The following PLEKHA8 variants were observed in gnomAD, a reference collection of about 807,000 sequenced individuals.
PLEKHA8 encodes the protein pleckstrin homology domain containing A8, also known as pleckstrin homology domain-containing family A member 8.
A neutral mutation model predicts 68.2 loss-of-function variants in PLEKHA8; 36 were observed. The observed-to-expected ratio is 0.53, with a 90% CI of 0.40 to 0.70. PLEKHA8 has a LOEUF of 0.70. PLEKHA8 is among the 30% of genes least tolerant of loss of function. PLEKHA8 has a pLI of 0.00. For missense variants in PLEKHA8, 505 were observed against 615.4 expected (o/e 0.82, Z 1.90); for synonymous variants, 211 against 216.1 (o/e 0.98, Z 0.20).
chr7:30,051,949 G>A (rs1351167364), intron 6 of PLEKHA8, among the ~76,000 whole-genome samples: 2 of 152,082 alleles, frequency 1.3e-5, no homozygotes, highest in Non-Finnish European at 2.9e-5. Flanking sequence ...CTCCAGCCTG[G>A]GTGACAGAGC....
rs1379058501 is a variant in PLEKHA8 at position 30,056,304 on chromosome 7, C to CTA, written c.1039+963_1039+964insAT. On this transcript the variant is annotated intron_variant, in intron 9 of 13. Coordinates refer to ENST00000449726, the MANE Select transcript of PLEKHA8 (RefSeq NM_001197026.2). ...TCTCTCTCTCTCTCTCTCTCTCTCT[C>CTA]TCTCTCTCTATATATATATATATAT... 4.3e-5 allele frequency among the ~76,000 whole-genome samples: 4 copies of CTA among 93,896 alleles called. No homozygotes were observed. The South Asian group carries it at 1.3e-3, about 30-fold the overall frequency. 61.6% of individuals were successfully genotyped at this position (93,896 alleles called of 152,430 possible).
intron 1 of PLEKHA8, among the ~76,000 whole-genome samples, chr7:30,044,031 G>GTT (rs1791749157): frequency 6.9e-6 from 1 of 145,030 alleles, no homozygotes; most frequent in Non-Finnish European, 1.5e-5. Context: ...AGTCAGGGAT[G>GTT]ATTTTTTTTT....
chr7:30,106,038 CT>C (rs1409707225), intron 13 of PLEKHA8, among the ~76,000 whole-genome samples: 1 of 150,886 alleles, frequency 6.6e-6, no homozygotes, highest in African/African-American at 2.4e-5. Flanking sequence ...TTTTTTTCAC[CT>C]TTAAGTCTTT....
At chr7:30,124,849 T>G (rs1371455245) in intron 13 of PLEKHA8, among the ~76,000 whole-genome samples, 5 of 152,108 alleles carry the variant, frequency 3.3e-5, no homozygotes, top group African/African-American at 1.2e-4. Flanking sequence ...GCACCCATGA[T>G]CCTATCTTAA....
chr7:30,071,424 G>A (rs949785405), intron 12 of PLEKHA8, among the ~76,000 whole-genome samples: 1 of 152,050 alleles, frequency 6.6e-6, no homozygotes, highest in African/African-American at 2.4e-5. Flanking sequence ...CCAGCCTTCG[G>A]GATTCCTTCT....
chr7:30,104,618 C>T (rs888577253), intron 13 of PLEKHA8, among the ~76,000 whole-genome samples: 3 of 151,764 alleles, frequency 2.0e-5, no homozygotes. Flanking sequence ...ATATGAAATT[C>T]CAAAACAGGC....
At chr7:30,086,352 A>G (rs1169965596), downstream of PLEKHA8, among the ~76,000 whole-genome samples, 2 of 152,198 alleles carry the variant, frequency 1.3e-5, no homozygotes, top group Admixed American at 1.3e-4. Flanking sequence ...CTGTGTAAGG[A>G]CCAGCTATCT....
chr7:30,034,010 C>CTTTTTTTTTTTTTTTT (rs56796780), intron 1 of PLEKHA8, among the ~76,000 whole-genome samples: 1 of 34,632 alleles, frequency 2.9e-5, no homozygotes, highest in African/African-American at 1.3e-4. Flanking sequence ...TAAGAGGTTT[C>CTTTTTTTTTTTTTTTT]TTTTTTTTTT....
At chr7:30,093,026 A>C (rs1290043664), downstream of PLEKHA8, among the ~76,000 whole-genome samples, 1 of 152,176 alleles carries the variant, frequency 6.6e-6, no homozygotes, top group Non-Finnish European at 1.5e-5. Context: ...AATAAGTCCA[A>C]GATATGCCTT....
intron 7 of PLEKHA8, 27 bp downstream of exon 7, chr7:30,052,893 A>T: frequency 6.5e-7 from 1 of 1,540,300 alleles, no homozygotes; most frequent in Non-Finnish European, 8.7e-7. Context: ...AGTCTGAAAC[A>T]AACCAATTTT....
intron 12 of PLEKHA8, 137 bp downstream of exon 12, chr7:30,062,879 A>G: frequency 1.6e-6 from 1 of 622,486 alleles, no homozygotes; most frequent in African/African-American, 1.9e-5. Flanking sequence ...ATTATTATTC[A>G]TTGCTTCTTA....
intron 12 of PLEKHA8, among the ~76,000 whole-genome samples, chr7:30,063,692 A>G (rs934619848): frequency 2.1e-4 from 32 of 152,208 alleles, no homozygotes; most frequent in African/African-American, 6.8e-4. Flanking sequence ...CTGATCTGCC[A>G]TAAAAATGAG....
At chr7:30,036,262 ACT>A (rs1791066210) in intron 1 of PLEKHA8, among the ~76,000 whole-genome samples, 1 of 151,860 alleles carries the variant, frequency 6.6e-6, no homozygotes, top group African/African-American at 2.4e-5. Flanking sequence ...ACAGAACGAG[ACT>A]CTGTTGCAAA....
At chr7:30,067,065 C>T (rs886802719) in intron 12 of PLEKHA8, among the ~76,000 whole-genome samples, 1 of 152,232 alleles carries the variant, frequency 6.6e-6, no homozygotes, top group Non-Finnish European at 1.5e-5. Context: ...TTAGTCTTAA[C>T]AGTGCCTGAA....
At chr7:30,067,302 T>G (rs1303634917) in intron 12 of PLEKHA8, among the ~76,000 whole-genome samples, 1 of 152,170 alleles carries the variant, frequency 6.6e-6, no homozygotes, top group Non-Finnish European at 1.5e-5. Context: ...AAGCCCTGTC[T>G]CTTCAAAACA....
intron 1 of PLEKHA8, among the ~76,000 whole-genome samples, chr7:30,029,139 C>T (rs1273597972): frequency 1.3e-5 from 2 of 152,358 alleles, no homozygotes; most frequent in African/African-American, 2.4e-5. Context: ...CTGGGAATCT[C>T]TTGAATTTTG....
chr7:30,110,904 G>A (rs992553760), intron 13 of PLEKHA8, among the ~76,000 whole-genome samples: 81 of 150,300 alleles, frequency 5.4e-4, no homozygotes, highest in African/African-American at 1.8e-3. Flanking sequence ...TTCTTATTTT[G>A]AGGTTGTTTT....
intron 9 of PLEKHA8, among the ~76,000 whole-genome samples, chr7:30,058,768 T>C (rs62446685): frequency 0.15 from 23,452 of 152,188 alleles, 1,826 homozygotes; most frequent in Middle Eastern, 0.2. Flanking sequence ...ATTTAAAAGC[T>C]TTTTAGGATT....
chr7:30,092,558 A>G (rs989023345), downstream of PLEKHA8, among the ~76,000 whole-genome samples: 1 of 152,198 alleles, frequency 6.6e-6, no homozygotes, highest in African/African-American at 2.4e-5. Context: ...ATGGCTGAGC[A>G]TTAGGATGCA....
Sources: allele counts gnomAD v4.1 joint callset (sites outside exome capture counted in the v4.1 genomes callset), GRCh38; gene constraint gnomAD v4.1.1; transcripts MANE v1.5; gene names NCBI Gene and HGNC (gene_info 2026-07-23, HGNC 2026-07-21).